The following IFT140 variants were observed in gnomAD, a reference collection of about 807,000 sequenced individuals.
The protein encoded by IFT140 is intraflagellar transport 140.
Under a neutral mutation model 164.6 loss-of-function variants are expected in IFT140, and 133 were observed. That is an observed-to-expected ratio of 0.81 (90% CI 0.70 to 0.93). The LOEUF is 0.93. Ranked by LOEUF, IFT140 falls within the 40% of genes least tolerant of loss-of-function variation. IFT140 has a pLI of 0.00. For synonymous variants in IFT140, 860 were observed against 817.3 expected (o/e 1.05, Z -0.89); for missense variants, 2,045 against 1,972.3 (o/e 1.04, Z -0.70).
intron 2 of IFT140, among the ~76,000 whole-genome samples, chr16:1,608,593 A>G (rs1386149902): frequency 7.1e-6 from 1 of 141,556 alleles, no homozygotes; most frequent in Non-Finnish European, 1.5e-5. Flanking sequence ...AGATCGCGCC[A>G]CTGTACTCCA....
intron 19 of IFT140, among the ~76,000 whole-genome samples, chr16:1,554,594 C>T (rs553519945): frequency 6.6e-6 from 1 of 152,302 alleles, no homozygotes; most frequent in African/African-American, 2.4e-5. Context: ...GGCAGCCGCC[C>T]CGTAAAGCAG....
chr16:1,559,569 G>A (rs987978663), intron 18 of IFT140, among the ~76,000 whole-genome samples: 1 of 152,194 alleles, frequency 6.6e-6, no homozygotes, highest in Non-Finnish European at 1.5e-5. Flanking sequence ...GCTGAGTTAC[G>A]AAAACTCCCT....
At chr16:1,556,962 A>T (rs961348530) in intron 19 of IFT140, among the ~76,000 whole-genome samples, 5 of 152,102 alleles carry the variant, frequency 3.3e-5, no homozygotes, top group Non-Finnish European at 5.9e-5. Context: ...GGAACGCACC[A>T]CAACTGCCTG....
Position 1,510,841 on chromosome 16 carries a change from A to G in IFT140, c.*103T>C. On this transcript the variant is annotated 3_prime_UTR_variant, in exon 31 of 31. Coordinates refer to ENST00000426508, the MANE Select transcript of IFT140 (RefSeq NM_014714.4). Reference sequence around the variant, plus strand: ...AGCTCTGTCGCGTATTCCAACACAGACATGTTTTTTCCCAGCAAAAATGCT... The same window carrying G: ...AGCTCTGTCGCGTATTCCAACACAGGCATGTTTTTTCCCAGCAAAAATGCT... 9.3e-7 allele frequency: 1 copy of G among 1,071,608 alleles called. No homozygotes were observed. 66.4% of individuals were successfully genotyped at this position (1,071,608 alleles called of 1,614,324 possible).
intron 19 of IFT140, chr16:1,541,923 C>A: frequency 6.3e-7 from 1 of 1,597,734 alleles, no homozygotes; most frequent in Admixed American, 1.7e-5. Flanking sequence ...GCCCACAGTG[C>A]AGTTCGACAT....
At chr16:1,524,401 G>T in intron 24 of IFT140, 151 bp downstream of exon 24, 1 of 995,576 alleles carries the variant, frequency 1.0e-6, no homozygotes, top group Non-Finnish European at 1.4e-6. Context: ...GCAGAGGGGT[G>T]GGCGGGTGAG....
chr16:1,519,989 T>A lies in IFT140; in HGVS notation c.3932A>T (p.Tyr1311Phe). ...DKAHGALTEA[Y>F]KCLAKAKAKS... is the part of the protein sequence containing the mutation. ...GGCCTTGGCCTTGGCCAGGCACTTG[T>A]AGGCCTCGGTCAGCGCCCCGTGGGC... Residue 1311 changes from tyrosine to phenylalanine, a missense_variant, in exon 29 of 31, where the codon TAC becomes TTC. Transcript: ENST00000426508. 6.2e-7 allele frequency: 1 copy of A among 1,606,908 alleles called. No individual in the cohort carries two copies. The highest frequency in any genetic ancestry group is 8.5e-7 in the Non-Finnish European group (1 of 1,177,024).
At chr16:1,546,938 T>C (rs2032224566) in intron 19 of IFT140, among the ~76,000 whole-genome samples, 1 of 152,072 alleles carries the variant, frequency 6.6e-6, no homozygotes, top group South Asian at 2.1e-4. Context: ...TGCAATGGGG[T>C]CAAGCCAGTG....
rs112065253 is a variant in IFT140 at position 1,517,987 on chromosome 16, G to C, written c.4182+229C>G. The C allele has an allele frequency of 9.8e-3, 3,926 of 400,792 alleles. 158 individuals carry two copies. Among genetic ancestry groups the C allele is most frequent in the African/African-American group, 0.074 (3,559 of 48,418 alleles). The allele number at this position is 400,792 out of a possible 1,614,324, so 24.8% of individuals were successfully genotyped here. A position where few individuals can be genotyped will look rare whatever the true frequency, so the allele number is the denominator to read the frequency against. The stretch of plus-strand genomic sequence containing the variant: ...CAAGCAGCTGGGACCCCAGGTGTGA[G>C]CCACCATGCCTGGCTAATTTTTCCC... On this transcript the variant is annotated intron_variant, in intron 30 of 30. Transcript: ENST00000426508.
intron 17 of IFT140, among the ~76,000 whole-genome samples, chr16:1,562,659 C>A (rs2033480959): frequency 6.6e-6 from 1 of 152,142 alleles, no homozygotes; most frequent in Admixed American, 6.5e-5. Context: ...GTAGTCCCAG[C>A]TACTTGGTAG....
rs575578519 is a variant in IFT140, at chr16:1,541,861, C to T, written c.2400-15065G>A. ...AGAGACCACGAAAGTGGCGTGACGG[C>T]TGGCGTGGCCTCTGGAGCCCACCTG... On this transcript the variant is annotated intron_variant, in intron 19 of 30. Transcript: ENST00000426508. 37 of 1,489,398 alleles carry T rather than the reference C, an allele frequency of 2.5e-5. No individual in the cohort carries two copies. In the East Asian group the frequency reaches 8.8e-4, roughly 35 times the overall value. 92.3% of individuals were successfully genotyped at this position (1,489,398 alleles called of 1,614,324 possible). A position where few individuals can be genotyped will look rare whatever the true frequency, so the allele number is the denominator to read the frequency against.
chr16:1,556,844 C>T lies in IFT140; in HGVS notation c.2399+1091G>A, dbSNP rs575441178. Among the ~76,000 whole-genome samples, 193 of 152,348 alleles carry T rather than the reference C, an allele frequency of 1.3e-3. 3 individuals are homozygous for T. In the South Asian group the frequency reaches 0.039, roughly 30 times the overall value. On this transcript the variant is annotated intron_variant, in intron 19 of 30. Transcript: ENST00000426508. Reference sequence around the variant, plus strand: ...GTTTTCTTTTGGACGGAGTCTCACTCTGTCACCCAGGCTGGAGTGCAGTGG... The same window carrying T: ...GTTTTCTTTTGGACGGAGTCTCACTTTGTCACCCAGGCTGGAGTGCAGTGG...
At position 1,511,250 on chromosome 16, in the gene IFT140, G is replaced by C. The variant is rs1181493139; in HGVS notation, c.4183-100C>G. Reference sequence around the variant, plus strand: ...GTGCTGCTGCCCCTGGAGGCGGGTGGGGGTGCCTCCGCGCTGGAGGACACG... The same window carrying C: ...GTGCTGCTGCCCCTGGAGGCGGGTGCGGGTGCCTCCGCGCTGGAGGACACG... On this transcript the variant is annotated intron_variant, in intron 30 of 30. Transcript: ENST00000426508. The C allele has an allele frequency of 9.6e-6, 11 of 1,144,310 alleles. No individual in the cohort carries two copies. In the Admixed American group the frequency reaches 2.2e-4, roughly 23 times the overall value. The allele number at this position is 1,144,310 out of a possible 1,614,324, so 70.9% of individuals were successfully genotyped here. A position where few individuals can be genotyped will look rare whatever the true frequency, so the allele number is the denominator to read the frequency against.
intron 7 of IFT140, among the ~76,000 whole-genome samples, chr16:1,589,325 G>A (rs1379139706): frequency 2.6e-5 from 4 of 152,124 alleles, no homozygotes; most frequent in African/African-American, 9.7e-5. Flanking sequence ...TGCACCCCAG[G>A]TCATGAGGGG....
Position 1,596,444 on chromosome 16 carries a change from GATGTCCAAGTTTCCAGGCTGCCACCTGGA to G in IFT140, c.370-3885_370-3857del, listed in dbSNP as rs552610390. Among the ~76,000 whole-genome samples, 888 of 152,328 alleles carry G rather than the reference GATGTCCAAGTTTCCAGGCTGCCACCTGGA, an allele frequency of 5.8e-3. 3 individuals are homozygous for G. Among genetic ancestry groups the G allele is most frequent in the Non-Finnish European group, 0.011 (750 of 68,030 alleles). On this transcript the variant is annotated intron_variant, in intron 4 of 30. Coordinates refer to ENST00000426508, the MANE Select transcript of IFT140 (RefSeq NM_014714.4). ...CATTCTCAACATCATCAGACAGGCT[GATGTCCAAGTTTCCAGGCTGCCACCTGGA>G]ATGTCCAAGTTTCCAGGCTGCTGCT...
chr16:1,565,817 C>T (rs1289558875), intron 16 of IFT140, among the ~76,000 whole-genome samples: 3 of 152,224 alleles, frequency 2.0e-5, no homozygotes, highest in African/African-American at 7.2e-5. Flanking sequence ...ATTCTTTAAA[C>T]AGGCAAATGC....
chr16:1,607,792 C>T (rs910672989), intron 2 of IFT140, among the ~76,000 whole-genome samples: 3 of 152,198 alleles, frequency 2.0e-5, no homozygotes, highest in Non-Finnish European at 4.4e-5. Context: ...TACAGACATG[C>T]ACTACCATGC....
intron 4 of IFT140, 85 bp from the exon 5 acceptor site, chr16:1,592,673 G>A: frequency 6.6e-7 from 1 of 1,515,662 alleles, no homozygotes; most frequent in Non-Finnish European, 8.9e-7. Context: ...AGAGCGACTG[G>A]TGGTGGGACA....
At chr16:1,526,467 G>T in intron 20 of IFT140, 152 bp downstream of exon 20, 1 of 860,376 alleles carries the variant, frequency 1.2e-6, no homozygotes, top group Non-Finnish European at 1.7e-6. Flanking sequence ...CTCCACCGCC[G>T]CTGTCTGCCC....
Sources: allele counts gnomAD v4.1 joint callset (sites outside exome capture counted in the v4.1 genomes callset), GRCh38; gene constraint gnomAD v4.1.1; transcripts MANE v1.5; gene names NCBI Gene and HGNC (gene_info 2026-07-23, HGNC 2026-07-21).